The following NTN1 variants were observed in gnomAD, a reference collection of about 807,000 sequenced individuals.
NTN1 encodes netrin 1, also known as netrin-1.
Under a neutral mutation model 54.2 loss-of-function variants are expected in NTN1, and 11 were observed. The ratio of observed to expected loss-of-function variants is 0.20; its 90% confidence interval spans 0.13 to 0.34. The LOEUF (loss-of-function observed/expected upper bound fraction) is 0.34, where lower values mean the gene tolerates loss of function less well. Ranked by LOEUF, NTN1 falls within the 10% of genes least tolerant of loss-of-function variation. The pLI is 1.00. For synonymous variants in NTN1, 371 were observed against 382.0 expected (o/e 0.97, Z 0.33); for missense variants, 740 against 893.1 (o/e 0.83, Z 2.18).
intron 5 of NTN1, among the ~76,000 whole-genome samples, chr17:9,200,828 G>T (rs956647151): frequency 2.0e-5 from 3 of 152,202 alleles, no homozygotes; most frequent in East Asian, 3.8e-4. Flanking sequence ...CACAGAAATA[G>T]AATATTCTAA....
intron 5 of NTN1, among the ~76,000 whole-genome samples, chr17:9,196,169 G>A (rs1567735591): frequency 1.3e-5 from 2 of 152,210 alleles, no homozygotes; most frequent in Admixed American, 1.3e-4. Context: ...AGCCAGCCTC[G>A]TGTTCTGGGG....
intron 2 of NTN1, among the ~76,000 whole-genome samples, chr17:9,050,074 G>A (rs953290813): frequency 1.3e-5 from 2 of 151,508 alleles, no homozygotes; most frequent in East Asian, 1.9e-4. Flanking sequence ...GTGAAACCCC[G>A]TCTCTACTAA....
At chr17:9,085,843 A>G (rs1214072035) in intron 2 of NTN1, among the ~76,000 whole-genome samples, 2 of 152,104 alleles carry the variant, frequency 1.3e-5, no homozygotes, top group Non-Finnish European at 2.9e-5. Flanking sequence ...ATCAAACCAG[A>G]CCAAAGCTCC....
intron 2 of NTN1, among the ~76,000 whole-genome samples, chr17:9,038,390 C>T (rs1305998279): frequency 6.6e-6 from 1 of 152,114 alleles, no homozygotes; most frequent in East Asian, 1.9e-4. Context: ...GTTTTCCCCT[C>T]CTCCCATTTG....
chr17:9,232,182 A>G (rs930109156), intron 6 of NTN1, among the ~76,000 whole-genome samples: 2 of 152,076 alleles, frequency 1.3e-5, no homozygotes, highest in East Asian at 1.9e-4. Flanking sequence ...GAGGCAGGAG[A>G]AGGAGGCGGC....
Position 9,022,383 on chromosome 17 carries a change from G to T in NTN1, c.10G>T (p.Ala4Ser), listed in dbSNP as rs1204652345. The change falls in exon 2 of 7, where the codon GCA becomes TCA. Residue 4 changes from alanine to serine, a missense_variant. By Grantham distance (99) the Ala-to-Ser change is moderately conservative. Coordinates refer to ENST00000173229, the MANE Select transcript of NTN1 (RefSeq NM_004822.3). MMR[A>S]VWEALAALAA... ...GCAAGCTGGACGCAGCATGATGCGC[G>T]CAGTGTGGGAGGCGCTGGCGGCGCT... 15 of 1,316,384 alleles carry T rather than the reference G, an allele frequency of 1.1e-5. No individual in the cohort carries two copies. The highest frequency in any genetic ancestry group is 1.4e-5 in the Non-Finnish European group (15 of 1,042,126). The allele number at this position is 1,316,384 out of a possible 1,614,324, so 81.5% of individuals were successfully genotyped here. A position where few individuals can be genotyped will look rare whatever the true frequency, so the allele number is the denominator to read the frequency against.
At chr17:9,226,999 G>A (rs1905588242) in intron 6 of NTN1, among the ~76,000 whole-genome samples, 1 of 152,064 alleles carries the variant, frequency 6.6e-6, no homozygotes, top group African/African-American at 2.4e-5. Flanking sequence ...GGCTTCCTTG[G>A]CGGAGCCCCT....
intron 2 of NTN1, among the ~76,000 whole-genome samples, chr17:9,126,991 G>A (rs576169440): frequency 1.3e-5 from 2 of 149,442 alleles, no homozygotes; most frequent in African/African-American, 4.9e-5. Context: ...TAGGGCAGCC[G>A]TGCATGGATC....
chr17:9,057,703 C>T (rs994617981), intron 2 of NTN1, among the ~76,000 whole-genome samples: 22 of 152,324 alleles, frequency 1.4e-4, no homozygotes, highest in African/African-American at 4.8e-4. Context: ...ACTGGGAAGC[C>T]GGCCCCACAA....
At chr17:9,083,946 T>C (rs543883647) in intron 2 of NTN1, among the ~76,000 whole-genome samples, 1 of 152,272 alleles carries the variant, frequency 6.6e-6, no homozygotes, top group East Asian at 1.9e-4. Context: ...AGAGGCACAT[T>C]GAGGAGGTGC....
In NTN1 at chr17:9,219,451, C is replaced by T. The variant is rs1905282785; in HGVS notation, c.1412-1717C>T. ...GCAGGAAGCAGGGCTGTTTTTCTCC[C>T]ATTTCCTGAGACTGGTTCCTAACTG... On this transcript the variant is annotated intron_variant, in intron 5 of 6. Transcript: ENST00000173229. This position sits in a 1 kb window ranked among gnomAD's most constrained non-coding sequence, Gnocchi z 4.5. 6.6e-6 allele frequency among the ~76,000 whole-genome samples: 1 copy of T among 152,202 alleles called. No individual in the cohort carries two copies. The highest frequency in any genetic ancestry group is 6.5e-5 in the Admixed American group (1 of 15,276).
intron 2 of NTN1, among the ~76,000 whole-genome samples, chr17:9,052,265 C>A (rs994352364): frequency 1.3e-5 from 2 of 152,210 alleles, no homozygotes; most frequent in African/African-American, 4.8e-5. Flanking sequence ...GCCACCACTC[C>A]CGGCCCCAAA....
rs1395019484 is a variant in NTN1 at position 9,219,199 on chromosome 17, G to A, written c.1412-1969G>A. On this transcript the variant is annotated intron_variant, in intron 5 of 6. Transcript: ENST00000173229. This position sits in a 1 kb window ranked among gnomAD's most constrained non-coding sequence, Gnocchi z 4.5. Reference sequence around the variant, plus strand: ...CGGTGCTGATGGTGCTGATGGCGCCGTTGACTTGAGTGTTTGGGCTGCCGT... The same window carrying A: ...CGGTGCTGATGGTGCTGATGGCGCCATTGACTTGAGTGTTTGGGCTGCCGT... 1.3e-5 allele frequency among the ~76,000 whole-genome samples: 2 copies of A among 152,294 alleles called. No homozygotes were observed. The highest frequency in any genetic ancestry group is 1.9e-4 in the East Asian group (1 of 5,176).
At position 9,022,887 on chromosome 17, in the gene NTN1, G is replaced by A. The variant is rs1252968756; in HGVS notation, c.514G>A (p.Val172Met). The change falls in exon 2 of 7, where the codon GTG becomes ATG. Residue 172 changes from valine (V) to methionine (M), a missense_variant. Coordinates refer to ENST00000173229, the MANE Select transcript of NTN1 (RefSeq NM_004822.3). Reference sequence around the variant, plus strand: ...GTCCATGGACTACGGGCGCACGTGGGTGCCCTTCCAGTTCTACTCCACGCA... The same window carrying A: ...GTCCATGGACTACGGGCGCACGTGGATGCCCTTCCAGTTCTACTCCACGCA... Reference protein sequence around the residue: ...YKSMDYGRTWVPFQFYSTQCR... With the variant: ...YKSMDYGRTWMPFQFYSTQCR... 1 of 1,612,136 alleles carries A rather than the reference G, an allele frequency of 6.2e-7. No homozygotes were observed. Among genetic ancestry groups the A allele is most frequent in the African/African-American group, 1.3e-5 (1 of 74,864 alleles).
chr17:9,051,108 A>G (rs144218862), intron 2 of NTN1, among the ~76,000 whole-genome samples: 1,527 of 152,018 alleles, frequency 0.01, 27 homozygotes, highest in African/African-American at 0.032. Flanking sequence ...CACCCTGGGG[A>G]CCCTCGGGAA....
intron 5 of NTN1, among the ~76,000 whole-genome samples, chr17:9,197,673 AG>A (rs202183400): frequency 0.017 from 2,499 of 145,052 alleles, 76 homozygotes; most frequent in African/African-American, 0.063. Flanking sequence ...AAAAAAAAAA[AG>A]AAGGAAGAAA....
In NTN1 at chr17:9,118,247, C is replaced by T. The variant is rs944111871; in HGVS notation, c.1019-44566C>T. Among the ~76,000 whole-genome samples the T allele has an allele frequency of 6.7e-4, 102 of 152,302 alleles. 1 individual carries two copies. Among genetic ancestry groups the T allele is most frequent in the African/African-American group, 2.3e-3 (95 of 41,566 alleles). Reference sequence around the variant, plus strand: ...TAAAATATACAGTTCAGGCCGGGCGCGGTGGCTCACGCCTGTAATCCCAGC... The same window carrying T: ...TAAAATATACAGTTCAGGCCGGGCGTGGTGGCTCACGCCTGTAATCCCAGC... On this transcript the variant is annotated intron_variant, in intron 2 of 6. Coordinates refer to ENST00000173229, the MANE Select transcript of NTN1 (RefSeq NM_004822.3).
At chr17:9,152,497 G>T (rs2092330661) in intron 2 of NTN1, among the ~76,000 whole-genome samples, 1 of 152,086 alleles carries the variant, frequency 6.6e-6, no homozygotes, top group African/African-American at 2.4e-5. Context: ...AGCCTGCAGG[G>T]TCATCCCGCC....
chr17:9,196,373 G>C (rs908131531), intron 5 of NTN1, among the ~76,000 whole-genome samples: 4 of 152,234 alleles, frequency 2.6e-5, no homozygotes, highest in African/African-American at 9.6e-5. Context: ...CTCAGAGTTG[G>C]AAGGAGCAGC....
Sources: gnomAD v4.1 joint callset for allele counts (sites outside exome capture counted in the v4.1 genomes callset) on GRCh38, gnomAD v4.1.1 for gene constraint, Gnocchi (gnomAD v3.1) non-coding constraint, MANE v1.5 for transcripts, NCBI Gene and HGNC (gene_info 2026-07-23, HGNC 2026-07-21) for gene names.